Variants in RBFOX1 observed in about 807,000 individuals in gnomAD.
The protein encoded by RBFOX1 is RNA binding protein fox-1 homolog 1.
In RBFOX1, 8 loss-of-function variants were observed where a neutral mutation model predicts 57.7. The ratio of observed to expected loss-of-function variants is 0.14; its 90% CI spans 0.08 to 0.25. The LOEUF (loss-of-function observed/expected upper bound fraction) is 0.25. RBFOX1 is among the 10% of genes least tolerant of loss of function. The pLI, the probability that RBFOX1 is intolerant of heterozygous loss-of-function variation, is 1.00. For synonymous variants in RBFOX1, 326 were observed against 222.4 expected (o/e 1.47, Z -4.15); for missense variants, 611 against 548.5 (o/e 1.11, Z -1.14).
chr16:6,466,660 T>G (rs979442272), intron 2 of RBFOX1, among the ~76,000 whole-genome samples: 7 of 152,322 alleles, frequency 4.6e-5, no homozygotes, highest in African/African-American at 1.7e-4. Context: ...GTATGTGACA[T>G]GCACCCAAAG....
At chr16:6,392,076 A>G (rs2092629977) in intron 2 of RBFOX1, among the ~76,000 whole-genome samples, 1 of 152,194 alleles carries the variant, frequency 6.6e-6, no homozygotes, top group South Asian at 2.1e-4. Context: ...CTCTTCAATA[A>G]TTCAAACTGC....
intron 1 of RBFOX1, among the ~76,000 whole-genome samples, chr16:5,418,256 A>G (rs140755160): frequency 3.9e-5 from 6 of 152,128 alleles, no homozygotes; most frequent in African/African-American, 7.2e-5. Flanking sequence ...GTTTATGACA[A>G]TGATGTTGAG....
At chr16:6,667,750 A>G (rs925711521) in intron 3 of RBFOX1, among the ~76,000 whole-genome samples, 1 of 152,110 alleles carries the variant, frequency 6.6e-6, no homozygotes, top group African/African-American at 2.4e-5. Context: ...ATAGTTAGGC[A>G]TGATGGTGCG....
intron 4 of RBFOX1, among the ~76,000 whole-genome samples, chr16:7,485,787 A>G (rs1246156234): frequency 1.3e-5 from 2 of 152,184 alleles, no homozygotes; most frequent in Non-Finnish European, 2.9e-5. Flanking sequence ...TCCCTTGACT[A>G]TCTTCTGTGG....
intron 1 of RBFOX1, among the ~76,000 whole-genome samples, chr16:5,304,285 C>T (rs868497585): frequency 3.9e-5 from 6 of 152,188 alleles, no homozygotes; most frequent in Admixed American, 3.3e-4. Flanking sequence ...TTGGTAGCAT[C>T]CTCTGCTATG....
At chr16:6,678,520 C>T (rs77823125) in intron 3 of RBFOX1, among the ~76,000 whole-genome samples, 3 of 151,464 alleles carry the variant, frequency 2.0e-5, no homozygotes, top group African/African-American at 4.9e-5. Flanking sequence ...TTTACACTTA[C>T]AAAATAAAGA....
chr16:5,901,322 G>A (rs1048319859), intron 4 of RBFOX1, among the ~76,000 whole-genome samples: 10 of 152,144 alleles, frequency 6.6e-5, no homozygotes, highest in African/African-American at 2.4e-4. Context: ...TCCCCTTACT[G>A]TTGGGGTTAC....
intron 5 of RBFOX1, among the ~76,000 whole-genome samples, chr16:7,527,870 G>C (rs543028649): frequency 6.6e-6 from 1 of 152,118 alleles, no homozygotes; most frequent in Non-Finnish European, 1.5e-5. Flanking sequence ...TTTTATCCAG[G>C]AGAATACATT....
In RBFOX1 at chr16:6,317,040, G is replaced by T; in HGVS notation, c.-81G>T. On this transcript the variant is annotated 5_prime_UTR_variant, in exon 2 of 16. Transcript: ENST00000550418. ...TGCAAGTGGAACTTACAGCTTCCTT[G>T]ATCGGACTCAGCATTCAGTAAGTGC... is the stretch of plus-strand genomic sequence containing the variant. The T allele has an allele frequency of 2.0e-6, 3 of 1,535,364 alleles. No individual in the cohort carries two copies. The highest frequency in any genetic ancestry group is 1.2e-5 in the South Asian group (1 of 83,942).
intron 3 of RBFOX1, among the ~76,000 whole-genome samples, chr16:6,726,801 A>G (rs980887982): frequency 6.6e-6 from 1 of 151,926 alleles, no homozygotes; most frequent in Non-Finnish European, 1.5e-5. Flanking sequence ...CTACCAGGGT[A>G]CCTAATATAT....
chr16:5,373,542 T>A (rs2065910994), intron 1 of RBFOX1, among the ~76,000 whole-genome samples: 1 of 152,068 alleles, frequency 6.6e-6, no homozygotes, highest in Admixed American at 6.5e-5. Flanking sequence ...GTAAGTTTCC[T>A]GAGGCCTCCT....
At chr16:7,508,989 C>T (rs546804851) in intron 4 of RBFOX1, among the ~76,000 whole-genome samples, 1 of 152,316 alleles carries the variant, frequency 6.6e-6, no homozygotes, top group South Asian at 2.1e-4. Flanking sequence ...ATTATTTTGA[C>T]ATTTCACTCT....
intron 3 of RBFOX1, among the ~76,000 whole-genome samples, chr16:6,787,536 A>G (rs1394743636): frequency 6.6e-6 from 1 of 152,052 alleles, no homozygotes; most frequent in Non-Finnish European, 1.5e-5. Flanking sequence ...TTGGGTGTAA[A>G]CTGTATTAAT....
chr16:6,782,437 T>G (rs897113670), intron 3 of RBFOX1, among the ~76,000 whole-genome samples: 1 of 152,166 alleles, frequency 6.6e-6, no homozygotes, highest in African/African-American at 2.4e-5. Flanking sequence ...TTAATTTCCA[T>G]GTATTTATAT....
intron 1 of RBFOX1, among the ~76,000 whole-genome samples, chr16:5,284,573 A>T (rs1378828476): frequency 7.3e-6 from 1 of 136,956 alleles, no homozygotes; most frequent in Admixed American, 7.8e-5. Flanking sequence ...ATGGAGTCTC[A>T]CTCTGTGACC....
At chr16:7,703,782 T>A (rs1045270399) in intron 14 of RBFOX1, among the ~76,000 whole-genome samples, 8 of 152,216 alleles carry the variant, frequency 5.3e-5, no homozygotes, top group Non-Finnish European at 1.2e-4. Flanking sequence ...AACACAACCT[T>A]AAGTTCAAGT....
intron 1 of RBFOX1, among the ~76,000 whole-genome samples, chr16:5,253,427 C>T (rs2062506128): frequency 6.6e-6 from 1 of 152,172 alleles, no homozygotes; most frequent in South Asian, 2.1e-4. Flanking sequence ...GCTGGGATTA[C>T]AGGCGTGAGC....
chr16:6,398,547 C>T (rs887353712), intron 2 of RBFOX1, among the ~76,000 whole-genome samples: 3 of 151,958 alleles, frequency 2.0e-5, no homozygotes, highest in African/African-American at 4.8e-5. Flanking sequence ...GGAAATTTGC[C>T]AAAACAAAGG....
At chr16:6,966,498 G>C (rs1343343634) in intron 3 of RBFOX1, among the ~76,000 whole-genome samples, 2 of 152,114 alleles carry the variant, frequency 1.3e-5, no homozygotes, top group East Asian at 1.9e-4. Context: ...TAGCTTATTA[G>C]GTGGCGAGAG....
Sources: allele counts gnomAD v4.1 joint callset (sites outside exome capture counted in the v4.1 genomes callset), GRCh38; gene constraint gnomAD v4.1.1; transcripts MANE v1.5; gene names NCBI Gene and HGNC (gene_info 2026-07-23, HGNC 2026-07-21).